Variants in DYNC2I1 observed in about 807,000 individuals in gnomAD.
DYNC2I1 encodes the protein dynein 2 intermediate chain 1, also known as cytoplasmic dynein 2 intermediate chain 1.
Under a neutral mutation model 133.4 loss-of-function variants are expected in DYNC2I1, and 89 were observed. The ratio of observed to expected loss-of-function variants is 0.67; its 90% CI spans 0.56 to 0.80. The LOEUF (loss-of-function observed/expected upper bound fraction) is 0.80. Ranked by LOEUF, DYNC2I1 falls within the 30% of genes least tolerant of loss-of-function variation. DYNC2I1 has a pLI of 0.00. For synonymous variants in DYNC2I1, 504 were observed against 484.3 expected (o/e 1.04, Z -0.54); for missense variants, 1,291 against 1,314.5 (o/e 0.98, Z 0.28).
chr7:158,911,456 T>C, intron 11 of DYNC2I1, 94 bp from the exon 12 acceptor site: 3 of 1,351,600 alleles, frequency 2.2e-6, no homozygotes, highest in Non-Finnish European at 3.0e-6. Flanking sequence ...GACAATAACA[T>C]GCATTTAACT....
At chr7:158,874,742 G>A (rs1423767957) in intron 3 of DYNC2I1, among the ~76,000 whole-genome samples, 1 of 152,170 alleles carries the variant, frequency 6.6e-6, no homozygotes, top group African/African-American at 2.4e-5. Flanking sequence ...CTGTTTGTCT[G>A]TGTCCTTATT....
In DYNC2I1 at chr7:158,926,187, A is replaced by G. The variant is rs753349194; in HGVS notation, c.2258A>G (p.Asp753Gly). Residue 753 changes from aspartate (D) to glycine (G), a missense_variant and splice_region_variant, in exon 18 of 25, where the codon GAT becomes GGT. Transcript: ENST00000407559. The stretch of plus-strand genomic sequence containing the variant: ...GATGCTGTGGGCTTTTGAACTCCAG[A>G]TGGAATCCTTACCTCAGTAAACCAC... ...WTFRTATFST[D>G]GILTSVNHRS... The G allele has an allele frequency of 3.7e-6, 6 of 1,611,528 alleles. No individual in the cohort carries two copies. Among genetic ancestry groups the G allele is most frequent in the Non-Finnish European group, 1.7e-6 (2 of 1,178,664 alleles).
chr7:158,850,257 C>T, the DYNC2I1 span, among the ~76,000 whole-genome samples: 21,191 of 152,190 alleles, frequency 0.14, 2,105 homozygotes, highest in East Asian at 0.48. Context: ...GGCTCTTGTT[C>T]CCAGCTCCTG....
chr7:158,878,032 G>GGCGAGGAGGGGA (rs1843529095), intron 4 of DYNC2I1, among the ~76,000 whole-genome samples: 1 of 126,776 alleles, frequency 7.9e-6, no homozygotes, highest in Admixed American at 7.8e-5. Context: ...CCATGTGGAG[G>GGCGAGGAGGGGA]GGCCAGGAGG....
At chr7:158,888,359 A>G (rs780090774) in intron 7 of DYNC2I1, among the ~76,000 whole-genome samples, 3 of 150,430 alleles carry the variant, frequency 2.0e-5, no homozygotes, top group Admixed American at 6.6e-5. Flanking sequence ...TGGCAAGCAT[A>G]TTTTGGATTC....
intron 20 of DYNC2I1, among the ~76,000 whole-genome samples, chr7:158,929,056 G>A (rs1043116346): frequency 2.6e-5 from 4 of 152,174 alleles, no homozygotes; most frequent in African/African-American, 4.8e-5. Context: ...GGGGTGGTGA[G>A]TATTTCATTT....
chr7:158,850,876 T>TAAGTC, the DYNC2I1 span, among the ~76,000 whole-genome samples: 1 of 152,056 alleles, frequency 6.6e-6, no homozygotes, highest in African/African-American at 2.4e-5. Context: ...GTAGGGAACC[T>TAAGTC]CTTTTTCCCC....
intron 9 of DYNC2I1, among the ~76,000 whole-genome samples, chr7:158,902,148 C>G (rs1846319800): frequency 6.6e-6 from 1 of 152,172 alleles, no homozygotes; most frequent in Admixed American, 6.5e-5. Context: ...GATAGGTCTT[C>G]TGTATATGGT....
At chr7:158,882,958 A>G (rs965285152) in intron 5 of DYNC2I1, among the ~76,000 whole-genome samples, 4 of 151,802 alleles carry the variant, frequency 2.6e-5, no homozygotes, top group African/African-American at 9.7e-5. Flanking sequence ...ATAATTAAAG[A>G]TTTTTTCCTT....
chr7:158,880,407 G>T (rs139783745), intron 5 of DYNC2I1, among the ~76,000 whole-genome samples: 128 of 152,032 alleles, frequency 8.4e-4, no homozygotes, highest in Middle Eastern at 6.8e-3. Context: ...CATGGTGGTA[G>T]GTGCCTATAG....
intron 14 of DYNC2I1, among the ~76,000 whole-genome samples, chr7:158,916,259 C>G (rs1211089413): frequency 1.2e-5 from 1 of 83,344 alleles, no homozygotes; most frequent in African/African-American, 4.1e-5. Flanking sequence ...CGTCTACACG[C>G]TGGTTGACAT....
intron 5 of DYNC2I1, among the ~76,000 whole-genome samples, chr7:158,881,199 C>T (rs536157724): frequency 1.2e-3 from 177 of 152,344 alleles, no homozygotes; most frequent in Non-Finnish European, 2.0e-3. Context: ...AGTCCTTTAA[C>T]CTCCCTCGCC....
At chr7:158,952,483 T>C (rs1198396129) in intron 4 of DYNC2I1, among the ~76,000 whole-genome samples, 2 of 152,154 alleles carry the variant, frequency 1.3e-5, no homozygotes, top group African/African-American at 4.8e-5. Flanking sequence ...CCAATGCCAG[T>C]TGGATTTTTT....
intron 7 of DYNC2I1, among the ~76,000 whole-genome samples, chr7:158,887,633 G>A (rs1466677662): frequency 6.6e-6 from 1 of 152,180 alleles, no homozygotes; most frequent in Non-Finnish European, 1.5e-5. Flanking sequence ...AAAACTGCTG[G>A]AAGCAGTAGC....
chr7:158,857,999 C>G (rs1403094257), intron 1 of DYNC2I1, among the ~76,000 whole-genome samples: 2 of 152,118 alleles, frequency 1.3e-5, no homozygotes, highest in African/African-American at 2.4e-5. Flanking sequence ...CCATGTTGGT[C>G]AGGCTGGTCT....
intron 1 of DYNC2I1, among the ~76,000 whole-genome samples, chr7:158,865,137 A>C (rs1842292427): frequency 2.0e-5 from 3 of 152,174 alleles, no homozygotes; most frequent in Non-Finnish European, 2.9e-5. Context: ...CTGGGCTGTG[A>C]GTGTCCTCCC....
chr7:158,913,230 C>A, intron 13 of DYNC2I1, 134 bp downstream of exon 13: 1 of 633,540 alleles, frequency 1.6e-6, no homozygotes, highest in Non-Finnish European at 2.6e-6. Context: ...GTGACAATAG[C>A]AGTACCCAAT....
At chr7:158,891,873 G>A (rs950610709) in intron 8 of DYNC2I1, among the ~76,000 whole-genome samples, 2 of 114,264 alleles carry the variant, frequency 1.8e-5, no homozygotes, top group African/African-American at 5.9e-5. Flanking sequence ...AATTGCGGAC[G>A]GGGCCTCTGA....
intron 1 of DYNC2I1, among the ~76,000 whole-genome samples, chr7:158,867,800 C>T (rs842693): frequency 0.14 from 20,834 of 151,984 alleles, 1,718 homozygotes; most frequent in Middle Eastern, 0.23. Context: ...CCAGGGTGCG[C>T]GGTGAGAGCA....
Sources: allele counts gnomAD v4.1 joint callset (sites outside exome capture counted in the v4.1 genomes callset), GRCh38; gene constraint gnomAD v4.1.1; transcripts MANE v1.5; gene names NCBI Gene and HGNC (gene_info 2026-07-23, HGNC 2026-07-21).